ZNF638: variants seen among roughly 807,000 people sequenced by gnomAD.
ZNF638 encodes zinc finger protein 638, also known as CTCL tumor antigen se33-1.
Under a neutral mutation model 195.6 loss-of-function variants are expected in ZNF638, and 46 were observed. The ratio of observed to expected loss-of-function variants is 0.24; its 90% CI spans 0.19 to 0.30. The LOEUF is 0.30. Ranked by LOEUF, ZNF638 falls within the 10% of genes least tolerant of loss-of-function variation. The pLI, the probability that ZNF638 is intolerant of heterozygous loss-of-function variation, is 1.00. For missense variants in ZNF638, 2,440 were observed against 2,325.3 expected, an observed-to-expected ratio of 1.05 and a Z score of -1.01; for synonymous variants, 845 against 772.0, an observed-to-expected ratio of 1.09 and a Z score of -1.57.
chr2:71,363,529 T>TA (rs1243516683), intron 4 of ZNF638, among the ~76,000 whole-genome samples: 1 of 152,234 alleles, frequency 6.6e-6, no homozygotes, highest in Non-Finnish European at 1.5e-5. Flanking sequence ...TACACACACG[T>TA]ACACACACAT....
At chr2:71,348,567 A>G in intron 1 of ZNF638, 186 bp from the exon 2 acceptor site, 1 of 1,191,734 alleles carries the variant, frequency 8.4e-7, no homozygotes, top group Non-Finnish European at 1.1e-6. Context: ...TGTGTTCTGC[A>G]TTCAGGAAAG....
At chr2:71,388,627 G>A (rs774572809) in intron 10 of ZNF638, 29 of 817,104 alleles carry the variant, frequency 3.5e-5, no homozygotes, top group Middle Eastern at 2.2e-4. Flanking sequence ...GGCCAGAGTC[G>A]GTGGATCAGA....
intron 1 of ZNF638, among the ~76,000 whole-genome samples, chr2:71,345,370 G>T (rs1288693262): frequency 1.3e-5 from 2 of 152,002 alleles, no homozygotes; most frequent in African/African-American, 2.4e-5. Context: ...ATGTTATTTG[G>T]CATATAGGTC....
In ZNF638 at chr2:71,393,746, T is replaced by TA. The variant is rs1464519488; in HGVS notation, c.2378-2394dup. On this transcript the variant is annotated intron_variant, in intron 10 of 27. Coordinates refer to ENST00000264447, the MANE Select transcript of ZNF638 (RefSeq NM_014497.5). ...GCTCATCTGTTAGATCCGCCTTTCT[T>TA]ACGCCCTGTTACCTGGGCAGGCACC... The TA allele has an allele frequency of 4.7e-6, 3 of 642,296 alleles. No individual in the cohort carries two copies. The South Asian group carries it at 5.4e-5, about 12-fold the overall frequency. The allele number at this position is 642,296 out of a possible 1,614,324, so 39.8% of individuals were successfully genotyped here. A position where few individuals can be genotyped will look rare whatever the true frequency, so the allele number is the denominator to read the frequency against.
intron 20 of ZNF638, among the ~76,000 whole-genome samples, chr2:71,409,335 T>C (rs1482503639): frequency 6.6e-6 from 1 of 152,184 alleles, no homozygotes; most frequent in Non-Finnish European, 1.5e-5. Context: ...ACTTACTGTT[T>C]TTGTTAGACT....
intron 1 of ZNF638, among the ~76,000 whole-genome samples, chr2:71,335,752 A>G (rs2078655292): frequency 6.6e-6 from 1 of 152,230 alleles, no homozygotes; most frequent in Non-Finnish European, 1.5e-5. Flanking sequence ...TTAGAAGAAA[A>G]CATGCATATT....
chr2:71,381,621 T>C (rs533741991), intron 10 of ZNF638, among the ~76,000 whole-genome samples: 1 of 152,258 alleles, frequency 6.6e-6, no homozygotes, highest in East Asian at 1.9e-4. Flanking sequence ...ACCCCATTAG[T>C]AGCATTTTCA....
At chr2:71,427,472 A>T (rs1032073941) in intron 24 of ZNF638, 58 bp downstream of exon 24, 5 of 1,281,632 alleles carry the variant, frequency 3.9e-6, no homozygotes, top group Admixed American at 5.3e-5. Context: ...TTTAAAATTA[A>T]TTTTAAAATA....
chr2:71,403,844 T>C, intron 16 of ZNF638, 26 bp from the exon 17 acceptor site: 1 of 1,478,368 alleles, frequency 6.8e-7, no homozygotes. Flanking sequence ...AGATTTTTCT[T>C]GTTACCTTAA....
chr2:71,340,210 A>T (rs1432429112), intron 1 of ZNF638, among the ~76,000 whole-genome samples: 1 of 151,958 alleles, frequency 6.6e-6, no homozygotes, highest in Admixed American at 6.6e-5. Context: ...TTTTCTGCTT[A>T]TTTTTGCTTT....
intron 1 of ZNF638, among the ~76,000 whole-genome samples, chr2:71,337,465 G>T (rs983747072): frequency 1.3e-5 from 2 of 152,112 alleles, no homozygotes; most frequent in African/African-American, 2.4e-5. Context: ...CTAGGCTGGA[G>T]TCCAGTGAGT....
chr2:71,337,934 C>T (rs1349366372), intron 1 of ZNF638, among the ~76,000 whole-genome samples: 1 of 152,136 alleles, frequency 6.6e-6, no homozygotes, highest in Admixed American at 6.5e-5. Flanking sequence ...TTGCTTTTCT[C>T]TTTAATAGAG....
intron 1 of ZNF638, among the ~76,000 whole-genome samples, chr2:71,338,433 A>G (rs908616936): frequency 2.6e-5 from 4 of 151,944 alleles, no homozygotes; most frequent in African/African-American, 4.8e-5. Flanking sequence ...GCTTTCTCCT[A>G]TTTCCTATTT....
intron 22 of ZNF638, 81 bp downstream of exon 22, chr2:71,424,119 A>G (rs879470951): frequency 4.0e-6 from 6 of 1,503,362 alleles, no homozygotes; most frequent in Non-Finnish European, 5.3e-6. Context: ...AGGAGATGTA[A>G]TTTTGTTTCA....
chr2:71,339,022 A>G (rs974100439), intron 1 of ZNF638, among the ~76,000 whole-genome samples: 6 of 152,176 alleles, frequency 3.9e-5, no homozygotes, highest in African/African-American at 1.4e-4. Context: ...TGTGCTAACC[A>G]TAAAGAGGTA....
At chr2:71,360,770 A>AG (rs2079095990) in intron 3 of ZNF638, among the ~76,000 whole-genome samples, 1 of 152,182 alleles carries the variant, frequency 6.6e-6, no homozygotes, top group South Asian at 2.1e-4. Context: ...ATTGGGACAA[A>AG]GATAATATCA....
intron 11 of ZNF638, among the ~76,000 whole-genome samples, chr2:71,396,900 T>A (rs1279593877): frequency 1.3e-5 from 2 of 152,118 alleles, no homozygotes; most frequent in African/African-American, 4.8e-5. Context: ...TGAGCTGAGA[T>A]CTTGCCACTG....
chr2:71,397,888 C>T (rs2079927306), intron 11 of ZNF638, among the ~76,000 whole-genome samples: 1 of 152,144 alleles, frequency 6.6e-6, no homozygotes, highest in Non-Finnish European at 1.5e-5. Flanking sequence ...TAGTACTGTA[C>T]AGCTAGGAAA....
At chr2:71,369,822 T>C in intron 7 of ZNF638, 61 bp from the exon 8 acceptor site, 1 of 1,507,968 alleles carries the variant, frequency 6.6e-7, no homozygotes, top group East Asian at 2.4e-5. Flanking sequence ...AAGCCCATTT[T>C]AAAATGCAGG....
Sources: allele counts gnomAD v4.1 joint callset (sites outside exome capture counted in the v4.1 genomes callset), GRCh38; gene constraint gnomAD v4.1.1; transcripts MANE v1.5; gene names NCBI Gene and HGNC (gene_info 2026-07-23, HGNC 2026-07-21).